The following LARP1 variants were observed in gnomAD, a reference collection of about 807,000 sequenced individuals.
LARP1 encodes La ribonucleoprotein 1, translational regulator.
In LARP1, 36 loss-of-function variants were observed where a neutral mutation model predicts 122.7. That is an observed-to-expected ratio of 0.29 (90% confidence interval 0.22 to 0.39). LARP1 has a LOEUF of 0.39. LARP1 is among the 10% of genes least tolerant of loss of function. The pLI is 1.00. For missense variants in LARP1, 1,040 were observed against 1,403.6 expected (o/e 0.74, Z 4.14); for synonymous variants, 539 against 528.7 (o/e 1.02, Z -0.27).
chr5:154,695,098 G>T (rs913912880), intron 1 of LARP1, among the ~76,000 whole-genome samples: 4 of 152,106 alleles, frequency 2.6e-5, no homozygotes, highest in Non-Finnish European at 5.9e-5. Flanking sequence ...GGCGGATTAC[G>T]AGGTCAGCAG....
intron 1 of LARP1, among the ~76,000 whole-genome samples, chr5:154,702,874 C>T (rs1171036173): frequency 6.6e-6 from 1 of 151,846 alleles, no homozygotes; most frequent in Non-Finnish European, 1.5e-5. Context: ...AATCCCAGCA[C>T]TTTGGGAGGC....
rs535357084 is a variant in LARP1, at chr5:154,802,642, A to G, written c.2109+243A>G. Among the ~76,000 whole-genome samples, 1 of 152,314 alleles carries G rather than the reference A, an allele frequency of 6.6e-6. No homozygotes were observed. Among genetic ancestry groups the G allele is most frequent in the Non-Finnish European group, 1.5e-5 (1 of 68,034 alleles). On this transcript the variant is annotated intron_variant, in intron 11 of 18. Coordinates refer to ENST00000518297, the MANE Select transcript of LARP1 (RefSeq NM_033551.3). The surrounding 1 kb of genome is among the most constrained non-coding windows in gnomAD (Gnocchi z 5.1). ...TGATTATTATCCTATCTGCGGATCCATAGTTAATATTCTGACAGTTGGCTA... is the reference window on the plus strand; with the variant it reads ...TGATTATTATCCTATCTGCGGATCCGTAGTTAATATTCTGACAGTTGGCTA...
intron 1 of LARP1, among the ~76,000 whole-genome samples, chr5:154,695,798 G>T (rs145438775): frequency 6.6e-6 from 1 of 152,052 alleles, no homozygotes; most frequent in Non-Finnish European, 1.5e-5. Flanking sequence ...CCTTGAACCC[G>T]GGAGGCAAAG....
chr5:154,711,974 C>A (rs1300045483), upstream of LARP1, among the ~76,000 whole-genome samples: 1 of 152,174 alleles, frequency 6.6e-6, no homozygotes, highest in Admixed American at 6.5e-5. Context: ...TTTATCATAT[C>A]AACCTATTTC....
In LARP1 at chr5:154,716,277, G is replaced by A. The variant is rs375400569; in HGVS notation, c.205+3147G>A. On this transcript the variant is annotated intron_variant, in intron 1 of 18. Transcript: ENST00000336314. ...TGGGATTACAGGCGCCCGCCACCAC[G>A]CCCAGCTATTTTTTTGTATTTTTAG... is the stretch of plus-strand genomic sequence containing the variant. Among the ~76,000 whole-genome samples, 29 of 151,940 alleles carry A rather than the reference G, an allele frequency of 1.9e-4. 1 individual carries two copies. The highest frequency in any genetic ancestry group is 5.8e-4 in the East Asian group (3 of 5,168).
At chr5:154,735,673 A>G (rs1290304691) in intron 1 of LARP1, among the ~76,000 whole-genome samples, 2 of 151,228 alleles carry the variant, frequency 1.3e-5, no homozygotes, top group Non-Finnish European at 2.9e-5. Flanking sequence ...GGTTCAAGCA[A>G]TTCTCCTGCC....
At chr5:154,688,017 GCCTC>G (rs1012804882) in intron 1 of LARP1, among the ~76,000 whole-genome samples, 13 of 152,182 alleles carry the variant, frequency 8.5e-5, no homozygotes, top group Admixed American at 6.6e-4. Flanking sequence ...GTTTCCCTGT[GCCTC>G]CCTTTCTGAG....
chr5:154,765,978 GTA>G (rs1301541393), intron 1 of LARP1, among the ~76,000 whole-genome samples: 1 of 151,902 alleles, frequency 6.6e-6, no homozygotes, highest in African/African-American at 2.4e-5. Flanking sequence ...GAATCCCAAA[GTA>G]TGGAATTCTT....
chr5:154,727,273 A>G (rs1431553309), intron 1 of LARP1, among the ~76,000 whole-genome samples: 5 of 152,194 alleles, frequency 3.3e-5, no homozygotes, highest in Non-Finnish European at 7.3e-5. Flanking sequence ...AAGTAAATAA[A>G]ACAGAACTAC....
At chr5:154,704,167 T>C (rs1038296118) in intron 1 of LARP1, among the ~76,000 whole-genome samples, 3 of 152,208 alleles carry the variant, frequency 2.0e-5, no homozygotes, top group Admixed American at 2.0e-4. Flanking sequence ...ACTTTTTTTC[T>C]AAATGAGAAA....
intron 1 of LARP1, among the ~76,000 whole-genome samples, chr5:154,722,821 C>T (rs987504069): frequency 1.6e-4 from 24 of 151,942 alleles, no homozygotes; most frequent in African/African-American, 5.3e-4. Context: ...GCTGGAACTA[C>T]AGGTGCGTAC....
At chr5:154,697,146 G>T (rs975356190) in intron 1 of LARP1, among the ~76,000 whole-genome samples, 1 of 151,766 alleles carries the variant, frequency 6.6e-6, no homozygotes, top group Non-Finnish European at 1.5e-5. Flanking sequence ...AAGATCTTGG[G>T]GCCCGCCAGG....
chr5:154,790,962 C>T (rs1757293407), intron 3 of LARP1, among the ~76,000 whole-genome samples: 2 of 151,494 alleles, frequency 1.3e-5, no homozygotes, highest in South Asian at 2.1e-4. Flanking sequence ...TGATTACAGG[C>T]GCTCACCACC....
In LARP1 at chr5:154,755,775, G is replaced by A; in HGVS notation, c.18G>A (p.Glu6=). MATQV[E]PLLPGGATLL... The stretch of plus-strand genomic sequence containing the variant: ...GCGCGCAGATGGCCACTCAGGTGGA[G>A]CCGCTGCTGCCTGGGGGCGCCACGC... The change falls in exon 1 of 19, where the codon GAG becomes GAA. Residue 6 remains glutamate, a synonymous_variant. Transcript: ENST00000518297. 1 of 989,240 alleles carries A rather than the reference G, an allele frequency of 1.0e-6. No homozygotes were observed. Among genetic ancestry groups the A allele is most frequent in the African/African-American group, 1.7e-5 (1 of 57,372 alleles). 61.3% of individuals were successfully genotyped at this position (989,240 alleles called of 1,614,324 possible). A position where few individuals can be genotyped will look rare whatever the true frequency, so the allele number is the denominator to read the frequency against.
intron 1 of LARP1, among the ~76,000 whole-genome samples, chr5:154,713,349 A>T (rs1389094334): frequency 6.6e-6 from 1 of 152,074 alleles, no homozygotes; most frequent in African/African-American, 2.4e-5. Flanking sequence ...TTCCCTTGTC[A>T]CACCCCTTGT....
At chr5:154,764,074 C>T (rs1197875408) in intron 1 of LARP1, among the ~76,000 whole-genome samples, 3 of 151,116 alleles carry the variant, frequency 2.0e-5, no homozygotes, top group Non-Finnish European at 2.9e-5. Context: ...TTTGGGAGGC[C>T]GAGGCAGGTG....
upstream of LARP1, among the ~76,000 whole-genome samples, chr5:154,754,596 G>T (rs1753681000): frequency 6.6e-6 from 1 of 152,254 alleles, no homozygotes; most frequent in South Asian, 2.1e-4. Context: ...GGGGAGAAGG[G>T]CCTGGCCTGG....
chr5:154,799,633 G>T lies in LARP1; in HGVS notation c.1420G>T (p.Val474Phe). 1 of 1,614,188 alleles carries T rather than the reference G, an allele frequency of 6.2e-7. No homozygotes were observed. The highest frequency in any genetic ancestry group is 8.5e-7 in the Non-Finnish European group (1 of 1,180,026). ...GGTGGTGGAGATCGTTGATGAGAAAGTTCGTAGGAGGGAGGAACCAGAAAA... is the reference window on the plus strand; with the variant it reads ...GGTGGTGGAGATCGTTGATGAGAAATTTCGTAGGAGGGAGGAACCAGAAAA... ...SKVVEIVDEK[V>F]RRREEPEKWP... The change falls in exon 9 of 19, where the codon GTT becomes TTT. Residue 474 changes from valine to phenylalanine, a missense_variant. By Grantham distance (50) the Val-to-Phe change is conservative. Transcript: ENST00000518297.
chr5:154,796,679 T>C (rs1757881830), intron 8 of LARP1, among the ~76,000 whole-genome samples: 1 of 152,208 alleles, frequency 6.6e-6, no homozygotes, highest in African/African-American at 2.4e-5. Flanking sequence ...GCAGTGTTCG[T>C]TAGGATTGCA....
Sources: allele counts gnomAD v4.1 joint callset (sites outside exome capture counted in the v4.1 genomes callset), GRCh38; gene constraint gnomAD v4.1.1; non-coding constraint Gnocchi (gnomAD v3.1); transcripts MANE v1.5; gene names NCBI Gene and HGNC (gene_info 2026-07-23, HGNC 2026-07-21).